Variants in SH3D19 observed in about 807,000 individuals in gnomAD.
The protein encoded by SH3D19 is SH3 domain containing 19.
SH3D19 carries 58 observed loss-of-function variants against 112.1 expected under a neutral mutation model. The observed-to-expected ratio is 0.52, with a 90% confidence interval of 0.42 to 0.64. SH3D19 has a LOEUF of 0.64. SH3D19 is among the 30% of genes least tolerant of loss of function. The probability of loss-of-function intolerance (pLI) is 0.00; values close to 1 mark genes in which losing one functional copy is unlikely to be tolerated. For synonymous variants in SH3D19, 391 were observed against 448.5 expected, an observed-to-expected ratio of 0.87 and a Z score of 1.62; for missense variants, 1,090 against 1,263.4, an observed-to-expected ratio of 0.86 and a Z score of 2.08.
At chr4:151,160,087 C>CTTTTTT (rs1203320024) in intron 8 of SH3D19, among the ~76,000 whole-genome samples, 3 of 137,542 alleles carry the variant, frequency 2.2e-5, no homozygotes, top group Non-Finnish European at 3.2e-5. Flanking sequence ...TGTTTTATTT[C>CTTTTTT]TTTTTTTTTT....
intron 1 of SH3D19, chr4:151,259,731 A>G (rs1229527318): frequency 2.0e-5 from 3 of 152,336 alleles, no homozygotes; most frequent in Admixed American, 1.3e-4. Flanking sequence ...GCACTGCCCA[A>G]TACACTATGT....
intron 1 of SH3D19, among the ~76,000 whole-genome samples, chr4:151,269,217 T>C (rs2149995978): frequency 6.6e-6 from 1 of 152,334 alleles, no homozygotes; most frequent in South Asian, 2.1e-4. Context: ...TTTCATGTGT[T>C]TTTTGGCTGC....
intron 1 of SH3D19, among the ~76,000 whole-genome samples, chr4:151,322,608 T>C (rs138580160): frequency 1.6e-3 from 251 of 152,172 alleles, no homozygotes; most frequent in Non-Finnish European, 3.1e-3. Context: ...TATAAAGAAG[T>C]TGGGCACCAG....
At chr4:151,297,018 C>A (rs1002553534) in intron 1 of SH3D19, among the ~76,000 whole-genome samples, 1 of 152,174 alleles carries the variant, frequency 6.6e-6, no homozygotes, top group African/African-American at 2.4e-5. Context: ...TCACTTCATT[C>A]TTCCTGCCCA....
intron 1 of SH3D19, among the ~76,000 whole-genome samples, chr4:151,321,293 C>G (rs1031209970): frequency 2.0e-5 from 3 of 152,094 alleles, no homozygotes; most frequent in Non-Finnish European, 4.4e-5. Context: ...TCCTGGGAAA[C>G]TGGGAAGAGT....
At chr4:151,164,649 G>A (rs897929986) in intron 8 of SH3D19, among the ~76,000 whole-genome samples, 4 of 150,420 alleles carry the variant, frequency 2.7e-5, no homozygotes, top group Non-Finnish European at 5.9e-5. Context: ...GCACGATCTC[G>A]GCTCACTGCA....
chr4:151,200,896 C>T (rs1764301330), intron 2 of SH3D19, among the ~76,000 whole-genome samples: 3 of 152,120 alleles, frequency 2.0e-5, no homozygotes, highest in African/African-American at 7.2e-5. Flanking sequence ...TATAAACAAA[C>T]ATATCAACCA....
intron 9 of SH3D19, among the ~76,000 whole-genome samples, chr4:151,158,456 C>T (rs535298552): frequency 1.3e-5 from 2 of 152,078 alleles, no homozygotes; most frequent in African/African-American, 2.4e-5. Flanking sequence ...CACGACACCA[C>T]GTCCGGCTAA....
At chr4:151,312,331 A>G (rs2126374986) in intron 1 of SH3D19, among the ~76,000 whole-genome samples, 1 of 152,342 alleles carries the variant, frequency 6.6e-6, no homozygotes, top group Admixed American at 6.5e-5. Context: ...GAAACCAATC[A>G]ACATCATATT....
intron 3 of SH3D19, among the ~76,000 whole-genome samples, chr4:151,185,896 CG>C (rs931376295): frequency 1.3e-5 from 2 of 151,940 alleles, no homozygotes; most frequent in African/African-American, 4.8e-5. Flanking sequence ...AAAAATTAGC[CG>C]GGCATGGTGG....
intron 1 of SH3D19, among the ~76,000 whole-genome samples, chr4:151,266,977 C>T (rs924274601): frequency 2.6e-5 from 4 of 152,098 alleles, no homozygotes; most frequent in African/African-American, 4.8e-5. Context: ...GACTAAACAG[C>T]TAATATTTAA....
chr4:151,206,500 C>T (rs1452703696), intron 2 of SH3D19, among the ~76,000 whole-genome samples: 1 of 152,040 alleles, frequency 6.6e-6, no homozygotes, highest in African/African-American at 2.4e-5. Flanking sequence ...AAAGTACTAC[C>T]CTACTCTATT....
chr4:151,188,037 T>C (rs371516918), intron 2 of SH3D19, among the ~76,000 whole-genome samples: 4 of 152,144 alleles, frequency 2.6e-5, no homozygotes, highest in Admixed American at 6.6e-5. Flanking sequence ...CCCTGCTTCC[T>C]CTCTTGCTCT....
intron 2 of SH3D19, among the ~76,000 whole-genome samples, chr4:151,222,696 G>T: frequency 9.7e-6 from 1 of 102,600 alleles, no homozygotes. Context: ...TTTTTGAGAC[G>T]GAGTCTCACT....
At chr4:151,155,743 G>C (rs945603053) in intron 9 of SH3D19, among the ~76,000 whole-genome samples, 3 of 152,074 alleles carry the variant, frequency 2.0e-5, no homozygotes, top group African/African-American at 7.2e-5. Context: ...AAAAAAATTA[G>C]CTGGACATGG....
chr4:151,165,953 C>G (rs554184129), intron 7 of SH3D19: 222 of 363,834 alleles, frequency 6.1e-4, no homozygotes, highest in Non-Finnish European at 9.8e-4. Flanking sequence ...TATGTAGAAG[C>G]TGATCTTTCA....
At chr4:151,173,391 C>G (rs949218330) in intron 7 of SH3D19, among the ~76,000 whole-genome samples, 9 of 152,156 alleles carry the variant, frequency 5.9e-5, no homozygotes, top group African/African-American at 2.2e-4. Context: ...AATAAAAACA[C>G]TAAGTTTGAA....
chr4:151,228,536 T>G (rs1769323194), intron 1 of SH3D19, among the ~76,000 whole-genome samples: 1 of 45,096 alleles, frequency 2.2e-5, no homozygotes, highest in South Asian at 4.9e-4. Context: ...TATACTTACA[T>G]TTTAAAGTAA....
chr4:151,163,350 C>T (rs978274203), intron 8 of SH3D19, among the ~76,000 whole-genome samples: 3 of 152,098 alleles, frequency 2.0e-5, no homozygotes, highest in Non-Finnish European at 4.4e-5. Context: ...AATGACACAA[C>T]AGATGAATAA....
Sources: gnomAD v4.1 joint callset for allele counts (sites outside exome capture counted in the v4.1 genomes callset) on GRCh38, gnomAD v4.1.1 for gene constraint, MANE v1.5 for transcripts, NCBI Gene and HGNC (gene_info 2026-07-23, HGNC 2026-07-21) for gene names.